ARL15: variants seen among roughly 807,000 people sequenced by gnomAD.
ARL15 encodes ARF like GTPase 15.
Under a neutral mutation model 25.2 loss-of-function variants are expected in ARL15, and 19 were observed. The observed-to-expected ratio is 0.75, with a 90% CI of 0.53 to 1.10. The LOEUF (loss-of-function observed/expected upper bound fraction) is 1.10. Among genes scored for constraint, ARL15 ranks in the 50% least tolerant of loss-of-function variants. The probability of loss-of-function intolerance (pLI) is 0.00; values close to 1 mark genes in which losing one functional copy is unlikely to be tolerated. For missense variants in ARL15, 220 were observed against 246.0 expected (o/e 0.89, Z 0.71); for synonymous variants, 94 against 86.8 (o/e 1.08, Z -0.46).
At chr5:54,009,702 C>T (rs147075161) in intron 4 of ARL15, among the ~76,000 whole-genome samples, 1 of 152,292 alleles carries the variant, frequency 6.6e-6, no homozygotes, top group Non-Finnish European at 1.5e-5. Flanking sequence ...CTTGCAACTT[C>T]TATATTAAGA....
intron 4 of ARL15, among the ~76,000 whole-genome samples, chr5:53,896,273 A>T (rs1744869010): frequency 6.6e-6 from 1 of 152,108 alleles, no homozygotes; most frequent in Admixed American, 6.5e-5. Flanking sequence ...ACCTCAAGTG[A>T]TCTGCCTGCC....
At chr5:54,166,274 A>G (rs1266503079) in intron 2 of ARL15, among the ~76,000 whole-genome samples, 1 of 151,988 alleles carries the variant, frequency 6.6e-6, no homozygotes, top group Non-Finnish European at 1.5e-5. Context: ...AGCTCATTGC[A>G]GCCTCAAACT....
intron 4 of ARL15, among the ~76,000 whole-genome samples, chr5:53,907,126 G>C (rs1384895514): frequency 1.3e-5 from 2 of 151,984 alleles, no homozygotes; most frequent in Non-Finnish European, 2.9e-5. Context: ...CTAGCAAGAA[G>C]TACAGCTTCC....
intron 1 of ARL15, among the ~76,000 whole-genome samples, chr5:54,279,005 T>C (rs1757988854): frequency 6.6e-6 from 1 of 152,192 alleles, no homozygotes; most frequent in Non-Finnish European, 1.5e-5. Flanking sequence ...AATATAAGGC[T>C]TTTTGCTCCT....
intron 4 of ARL15, among the ~76,000 whole-genome samples, chr5:53,978,679 G>A (rs1218763434): frequency 4.1e-5 from 6 of 147,296 alleles, no homozygotes; most frequent in African/African-American, 1.3e-4. Flanking sequence ...CAGCAGGCAA[G>A]AGGTATGCTA....
Position 53,939,502 on chromosome 5 carries a change from C to T in ARL15, c.463-52789G>A, listed in dbSNP as rs558058642. ...CTATAACCCCAGCACCTTCTGAGGC[C>T]GAGGTGGGTGGATCATGAGGTCAGG... On this transcript the variant is annotated intron_variant, in intron 4 of 4. Transcript: ENST00000504924. Among the ~76,000 whole-genome samples, 17 of 152,216 alleles carry T rather than the reference C, an allele frequency of 1.1e-4. No individual in the cohort carries two copies. The South Asian group carries it at 2.7e-3, about 24-fold the overall frequency.
chr5:54,251,233 A>G (rs1724332599), intron 1 of ARL15, among the ~76,000 whole-genome samples: 1 of 152,206 alleles, frequency 6.6e-6, no homozygotes, highest in South Asian at 2.1e-4. Context: ...ACACACTGCA[A>G]AATTCTAAGG....
At chr5:54,122,997 G>A (rs1461348592) in intron 3 of ARL15, among the ~76,000 whole-genome samples, 1 of 152,116 alleles carries the variant, frequency 6.6e-6, no homozygotes, top group Non-Finnish European at 1.5e-5. Context: ...GTTAATTAAT[G>A]AGTGAATGGG....
chr5:54,283,673 C>T (rs1255107126), intron 1 of ARL15, among the ~76,000 whole-genome samples: 2 of 152,182 alleles, frequency 1.3e-5, no homozygotes, highest in African/African-American at 4.8e-5. Context: ...TGGAAATTAC[C>T]CCAAGTTGTA....
At chr5:53,887,801 GA>G (rs559013995) in intron 4 of ARL15, among the ~76,000 whole-genome samples, 1 of 151,838 alleles carries the variant, frequency 6.6e-6, no homozygotes, top group African/African-American at 2.4e-5. Context: ...ACTTGACCTA[GA>G]AAAAAAAGTA....
intron 4 of ARL15, among the ~76,000 whole-genome samples, chr5:53,987,543 G>A (rs545522367): frequency 7.9e-5 from 12 of 151,288 alleles, no homozygotes; most frequent in African/African-American, 2.9e-4. Flanking sequence ...CATCTTTAAA[G>A]AGAGTGAGAA....
At chr5:54,279,233 A>G (rs1289381945) in intron 1 of ARL15, among the ~76,000 whole-genome samples, 1 of 144,694 alleles carries the variant, frequency 6.9e-6, no homozygotes, top group Non-Finnish European at 1.5e-5. Flanking sequence ...TTTCTGGTTT[A>G]TGTTATCTGC....
intron 1 of ARL15, among the ~76,000 whole-genome samples, chr5:54,273,579 T>C (rs1432023893): frequency 6.6e-6 from 1 of 152,202 alleles, no homozygotes; most frequent in Non-Finnish European, 1.5e-5. Flanking sequence ...CAGTGTGTGG[T>C]GGCTAAGAAT....
intron 4 of ARL15, among the ~76,000 whole-genome samples, chr5:54,086,442 C>CT (rs35248295): frequency 0.35 from 51,864 of 146,298 alleles, 9,453 homozygotes; most frequent in East Asian, 0.61. Flanking sequence ...ATGAAAAGGC[C>CT]TTTTTTTTTT....
chr5:53,923,611 G>A (rs897207289), intron 4 of ARL15, among the ~76,000 whole-genome samples: 4 of 151,948 alleles, frequency 2.6e-5, no homozygotes, highest in Non-Finnish European at 5.9e-5. Context: ...AAATTCTTTC[G>A]GTTCTGGTAT....
chr5:54,037,102 AT>A (rs1190751180), intron 4 of ARL15, among the ~76,000 whole-genome samples: 4 of 152,066 alleles, frequency 2.6e-5, no homozygotes, highest in Non-Finnish European at 5.9e-5. Flanking sequence ...AAAATCTTAG[AT>A]TTTAAATGAC....
At chr5:54,265,336 G>A (rs1296015836) in intron 1 of ARL15, among the ~76,000 whole-genome samples, 1 of 152,128 alleles carries the variant, frequency 6.6e-6, no homozygotes, top group Admixed American at 6.6e-5. Context: ...GAAAGTTACT[G>A]ACTTTAAAAG....
intron 1 of ARL15, among the ~76,000 whole-genome samples, chr5:54,281,222 C>T (rs539040345): frequency 1.2e-4 from 18 of 152,162 alleles, no homozygotes; most frequent in Admixed American, 2.6e-4. Context: ...TCACTGCAAC[C>T]TCCACTTCCT....
chr5:54,059,776 C>T (rs1751005552), intron 4 of ARL15, among the ~76,000 whole-genome samples: 1 of 152,020 alleles, frequency 6.6e-6, no homozygotes, highest in Non-Finnish European at 1.5e-5. Context: ...TTATTTGGCT[C>T]CTTCAGCACT....
Sources: allele counts gnomAD v4.1 joint callset (sites outside exome capture counted in the v4.1 genomes callset), GRCh38; gene constraint gnomAD v4.1.1; transcripts MANE v1.5; gene names NCBI Gene and HGNC (gene_info 2026-07-23, HGNC 2026-07-21).